Variants in NPIPB2 observed in about 807,000 individuals in gnomAD.
NPIPB2 encodes the protein nuclear pore complex interacting protein family member B2, also known as nuclear pore complex-interacting protein family member B2.
Under a neutral mutation model 30.8 loss-of-function variants are expected in NPIPB2, and 27 were observed. That is an observed-to-expected ratio of 0.88 (90% CI 0.65 to 1.21). NPIPB2 has a LOEUF of 1.21. Among genes scored for constraint, NPIPB2 ranks in the 50% most tolerant of loss-of-function variants. NPIPB2 has a pLI of 0.00. For synonymous variants in NPIPB2, 147 were observed against 162.0 expected (o/e 0.91, Z 0.70); for missense variants, 440 against 446.2 (o/e 0.99, Z 0.13).
intron 1 of NPIPB2, among the ~76,000 whole-genome samples, chr16:11,947,459 C>A (rs926254563): frequency 1.3e-5 from 2 of 151,552 alleles, no homozygotes; most frequent in African/African-American, 4.8e-5. Flanking sequence ...ATTCTCCTGC[C>A]TCAGCCTCCC....
chr16:11,967,522 A>G (rs752600547), intron 1 of NPIPB2: 2 of 1,576,898 alleles, frequency 1.3e-6, no homozygotes, highest in South Asian at 1.2e-5. Context: ...TCTCATGACC[A>G]CATTCTCTGT....
chr16:11,941,350 GGGGGA>G (rs1171595723), intron 1 of NPIPB2: 2 of 321,170 alleles, frequency 6.2e-6, no homozygotes, highest in Non-Finnish European at 1.1e-5. Flanking sequence ...GAGTTGGGGA[GGGGGA>G]GGGGAGGGGG....
At chr16:11,966,362 T>G (rs377594247) in intron 1 of NPIPB2, 4 of 1,600,784 alleles carry the variant, frequency 2.5e-6, no homozygotes, top group East Asian at 2.2e-5. Flanking sequence ...TGGTGAATCT[T>G]TGAAATCTAT....
intron 1 of NPIPB2, among the ~76,000 whole-genome samples, chr16:11,971,328 G>C (rs943666685): frequency 2.0e-5 from 3 of 151,570 alleles, no homozygotes; most frequent in African/African-American, 7.3e-5. Flanking sequence ...AGGTGGTTGG[G>C]CTACAACTTT....
At chr16:11,976,467 G>A (rs2055298805) in intron 1 of NPIPB2, 1 of 311,122 alleles carries the variant, frequency 3.2e-6, no homozygotes, top group South Asian at 1.6e-4. Context: ...TCCCTCTCTG[G>A]GACGAAGTCG....
intron 2 of NPIPB2, among the ~76,000 whole-genome samples, chr16:11,934,406 A>C (rs1297870882): frequency 1.3e-5 from 2 of 151,608 alleles, no homozygotes; most frequent in African/African-American, 4.8e-5. Context: ...ATACAAAATT[A>C]GCCAGGCATG....
chr16:11,930,339 G>A lies in NPIPB2; in HGVS notation c.590+111C>T, dbSNP rs2054774634. 6 of 1,023,248 alleles carry A rather than the reference G, an allele frequency of 5.9e-6. No homozygotes were observed. In the Admixed American group the frequency reaches 1.1e-4, roughly 18 times the overall value. The allele number at this position is 1,023,248 out of a possible 1,614,324, so 63.4% of individuals were successfully genotyped here. The stretch of plus-strand genomic sequence containing the variant: ...CTCTCTCTCTCACGATATGTCTTCT[G>A]ACCATTTGTTTCTATTTCTGCATTT... On this transcript the variant is annotated intron_variant, in intron 5 of 7. Transcript: ENST00000399147.
chr16:11,927,313 TG>T (rs2054728972), downstream of NPIPB2: 2 of 772,680 alleles, frequency 2.6e-6, no homozygotes, highest in African/African-American at 3.5e-5. Flanking sequence ...TTTTGGAGTG[TG>T]GGTTTTGTTT....
chr16:11,963,314 A>T (rs914325998), intron 1 of NPIPB2, among the ~76,000 whole-genome samples: 1 of 147,028 alleles, frequency 6.8e-6, no homozygotes, highest in Admixed American at 7.0e-5. Flanking sequence ...TGGGAGGTGG[A>T]GGTTGCAGTG....
At chr16:11,967,073 T>C (rs940439235) in intron 1 of NPIPB2, 7 of 224,236 alleles carry the variant, frequency 3.1e-5, no homozygotes, top group African/African-American at 1.4e-4. Flanking sequence ...TGATCTCAAC[T>C]CACTGCAGCC....
At chr16:11,958,434 A>G (rs1365745318) in intron 1 of NPIPB2, among the ~76,000 whole-genome samples, 2 of 152,004 alleles carry the variant, frequency 1.3e-5, no homozygotes, top group East Asian at 3.9e-4. Flanking sequence ...TTAAAAAAAA[A>G]AAAAAAAATC....
chr16:11,937,530 G>A lies in NPIPB2; in HGVS notation c.192+10C>T, dbSNP rs201386121. 1.3e-4 allele frequency: 205 copies of A among 1,520,670 alleles called. No individual in the cohort carries two copies. In the East Asian group the frequency reaches 4.5e-3, roughly 33 times the overall value. The allele number at this position is 1,520,670 out of a possible 1,614,324, so 94.2% of individuals were successfully genotyped here. Reference sequence around the variant, plus strand: ...ACAAGTATACCTCTACAGAAAGTTAGTACACTCACCCAAAGGTAAACTGTC... The same window carrying A: ...ACAAGTATACCTCTACAGAAAGTTAATACACTCACCCAAAGGTAAACTGTC... On this transcript the variant is annotated intron_variant, in intron 2 of 7. Transcript: ENST00000399147.
intron 1 of NPIPB2, among the ~76,000 whole-genome samples, chr16:11,957,741 C>T (rs1359093718): frequency 2.6e-5 from 4 of 152,206 alleles, no homozygotes; most frequent in African/African-American, 9.6e-5. Flanking sequence ...GACACCCTCT[C>T]TGAGTGTCTG....
chr16:11,973,224 T>C (rs1193318636), intron 1 of NPIPB2, among the ~76,000 whole-genome samples: 1 of 150,264 alleles, frequency 6.7e-6, no homozygotes, highest in Non-Finnish European at 1.5e-5. Flanking sequence ...GAGGAGTCTA[T>C]CGTGAGGCAT....
chr16:11,966,232 C>A, intron 1 of NPIPB2: 1 of 1,613,954 alleles, frequency 6.2e-7, no homozygotes, highest in East Asian at 2.2e-5. Context: ...ATGCGATTCT[C>A]TGGACCTGTT....
intron 1 of NPIPB2, among the ~76,000 whole-genome samples, chr16:11,948,290 C>A (rs2055031211): frequency 6.6e-6 from 1 of 152,048 alleles, no homozygotes; most frequent in African/African-American, 2.4e-5. Context: ...AACTGTGGAT[C>A]CTGTCATCAA....
intron 1 of NPIPB2, among the ~76,000 whole-genome samples, chr16:11,950,541 C>T (rs529356712): frequency 5.3e-5 from 8 of 152,202 alleles, no homozygotes; most frequent in Middle Eastern, 6.8e-3. Context: ...GAAAGGAGGA[C>T]GCTAACATAA....
chr16:11,963,640 T>C (rs972660159), intron 1 of NPIPB2, among the ~76,000 whole-genome samples: 6 of 152,192 alleles, frequency 3.9e-5, no homozygotes, highest in African/African-American at 9.6e-5. Flanking sequence ...ATAATCACTA[T>C]ACTGAATTAG....
rs1468727989 is a variant in NPIPB2, at chr16:11,967,150, G to A, written c.-584+9418C>T. The A allele has an allele frequency of 2.0e-5, 4 of 198,622 alleles. No individual in the cohort carries two copies. The East Asian group carries it at 5.9e-4, about 29-fold the overall frequency. 12.3% of individuals were successfully genotyped at this position (198,622 alleles called of 1,614,324 possible). ...TGAGTAACTGGGACTATAGGTATGT[G>A]CCATCACCTCCGACTAATTTTTGTA... On this transcript the variant is annotated intron_variant, in intron 1 of 5. Coordinates refer to the NPIPB2 transcript ENST00000538896.
Sources: allele counts gnomAD v4.1 joint callset (sites outside exome capture counted in the v4.1 genomes callset), GRCh38; gene constraint gnomAD v4.1.1; transcripts MANE v1.5; gene names NCBI Gene and HGNC (gene_info 2026-07-23, HGNC 2026-07-21).